MTUS1: variants seen among roughly 807,000 people sequenced by gnomAD.
MTUS1 encodes microtubule associated scaffold protein 1.
A neutral mutation model predicts 120.8 loss-of-function variants in MTUS1; 109 were observed. That is an observed-to-expected ratio of 0.90 (90% CI 0.77 to 1.06). The LOEUF (loss-of-function observed/expected upper bound fraction) is 1.06. Among genes scored for constraint, MTUS1 ranks in the 50% least tolerant of loss-of-function variants. The pLI, the probability that MTUS1 is intolerant of heterozygous loss-of-function variation, is 0.00. For missense variants in MTUS1, 2,210 were observed against 1,486.3 expected (o/e 1.49, Z -8.01); for synonymous variants, 737 against 550.5 (o/e 1.34, Z -4.74).
intron 7 of MTUS1, among the ~76,000 whole-genome samples, chr8:17,677,206 T>C (rs1813308003): frequency 6.6e-6 from 1 of 152,172 alleles, no homozygotes; most frequent in African/African-American, 2.4e-5. Flanking sequence ...CGCATAATAA[T>C]GGAAGAAAAA....
At chr8:17,703,892 T>G (rs1819624663) in intron 6 of MTUS1, 1 of 152,238 alleles carries the variant, frequency 6.6e-6, no homozygotes, top group African/African-American at 2.4e-5. Flanking sequence ...CCTTTTTCCC[T>G]TTGAGGCATG....
At chr8:17,775,419 C>G (rs908136863) in intron 1 of MTUS1, among the ~76,000 whole-genome samples, 9 of 152,144 alleles carry the variant, frequency 5.9e-5, no homozygotes, top group Admixed American at 2.0e-4. Flanking sequence ...TCATGAGTAT[C>G]TGAGACCTCA....
Position 17,755,495 on chromosome 8 carries a change from A to G in MTUS1, c.313T>C (p.Cys105Arg). Residue 105 changes from cysteine (C) to arginine (R), a missense_variant, in exon 2 of 15, where the codon TGT becomes CGT. Cys to Arg is a radical substitution (Grantham distance 180). Coordinates refer to ENST00000693296, the MANE Select transcript of MTUS1 (RefSeq NM_001363059.2). ...LDMHKDSICQ[C>R]PALVGTEKPK... ...TTCTCAGTACCTACAAGTGCAGGAC[A>G]CTGACAAATAGAATCTTTATGCATA... is the stretch of plus-strand genomic sequence containing the variant. The G allele has an allele frequency of 6.2e-7, 1 of 1,614,214 alleles. No individual in the cohort carries two copies. The highest frequency in any genetic ancestry group is 8.5e-7 in the Non-Finnish European group (1 of 1,180,016).
At chr8:17,739,283 C>T (rs1165706302) in intron 3 of MTUS1, among the ~76,000 whole-genome samples, 1 of 152,034 alleles carries the variant, frequency 6.6e-6, no homozygotes, top group Non-Finnish European at 1.5e-5. Flanking sequence ...CACCTGAGGT[C>T]GGGAGTTGGA....
In MTUS1 at chr8:17,646,974, A is replaced by G. The variant is rs749764917; in HGVS notation, c.3599+8T>C. 6.2e-6 allele frequency: 10 copies of G among 1,610,774 alleles called. No homozygotes were observed. Among genetic ancestry groups the G allele is most frequent in the Non-Finnish European group, 8.5e-6 (10 of 1,177,178 alleles). On this transcript the variant is annotated splice_region_variant and intron_variant, in intron 14 of 14. Coordinates refer to ENST00000693296, the MANE Select transcript of MTUS1 (RefSeq NM_001363059.2). Reference sequence around the variant, plus strand: ...AGCTCGGGAGAAACAGCACTGTTTTATTTTTACCTTGAGATTGCCATGTGC... The same window carrying G: ...AGCTCGGGAGAAACAGCACTGTTTTGTTTTTACCTTGAGATTGCCATGTGC...
At chr8:17,665,509 A>T (rs1810699486) in intron 8 of MTUS1, among the ~76,000 whole-genome samples, 1 of 117,372 alleles carries the variant, frequency 8.5e-6, no homozygotes, top group African/African-American at 2.8e-5. Flanking sequence ...CTGGATCTAC[A>T]ACTCCAGCCT....
rs1334820759 is a variant in MTUS1 at position 17,684,526 on chromosome 8, T to A, written c.2640A>T (p.Gln880His). ...GGATACATAAGCTTCGAGGATTCTT[T>A]TGCCTGCTCTTTTCAACTGCAAAAC... ...TALNAVEKSR[Q>H]KNPRSLCIQP... The change falls in exon 7 of 15, where the codon CAA (glutamine) becomes CAT (histidine). Residue 880 changes from glutamine (Q) to histidine (H), a missense_variant. Coordinates refer to ENST00000693296, the MANE Select transcript of MTUS1 (RefSeq NM_001363059.2). The A allele has an allele frequency of 6.2e-7, 1 of 1,613,816 alleles. No homozygotes were observed. The highest frequency in any genetic ancestry group is 8.5e-7 in the Non-Finnish European group (1 of 1,179,956).
chr8:17,675,254 T>C lies in MTUS1; in HGVS notation c.2839-2A>G. On this transcript the variant is annotated splice_acceptor_variant, in intron 7 of 14. Transcript: ENST00000693296. LOFTEE classifies it high-confidence loss of function. ...GTGTTGTTTCAGTGCTTCCTCCCGC[T>C]GCGGAAAACACACATCAAGTTACTC... The C allele has an allele frequency of 1.2e-6, 2 of 1,614,048 alleles. No individual in the cohort carries two copies. Among genetic ancestry groups the C allele is most frequent in the Non-Finnish European group, 1.7e-6 (2 of 1,179,948 alleles).
intron 1 of MTUS1, among the ~76,000 whole-genome samples, chr8:17,776,623 G>A (rs2050453585): frequency 7.1e-6 from 1 of 140,552 alleles, no homozygotes; most frequent in South Asian, 2.4e-4. Context: ...AGGTTGTAGT[G>A]AGGTGAGACT....
intron 6 of MTUS1, among the ~76,000 whole-genome samples, chr8:17,689,104 G>A (rs1049495407): frequency 3.3e-5 from 5 of 152,144 alleles, no homozygotes; most frequent in African/African-American, 7.2e-5. Flanking sequence ...CCAGCTACTC[G>A]GGAGGCTGAG....
At chr8:17,749,261 T>G (rs1291207227) in intron 2 of MTUS1, among the ~76,000 whole-genome samples, 1 of 152,092 alleles carries the variant, frequency 6.6e-6, no homozygotes, top group Non-Finnish European at 1.5e-5. Context: ...ACCTGAAGGT[T>G]TCATCTGTAT....
intron 2 of MTUS1, among the ~76,000 whole-genome samples, chr8:17,752,455 T>C (rs559275249): frequency 6.6e-6 from 1 of 152,328 alleles, no homozygotes; most frequent in South Asian, 2.1e-4. Context: ...TAAATCTGAG[T>C]TTTGAAACAA....
intron 1 of MTUS1, among the ~76,000 whole-genome samples, chr8:17,771,745 C>T (rs1333357051): frequency 2.6e-5 from 4 of 152,180 alleles, no homozygotes; most frequent in African/African-American, 9.7e-5. Context: ...TACTATTTTC[C>T]GATAAACAGG....
intron 7 of MTUS1, among the ~76,000 whole-genome samples, chr8:17,678,959 C>A (rs2130700712): frequency 6.6e-6 from 1 of 152,218 alleles, no homozygotes; most frequent in African/African-American, 2.4e-5. Context: ...TAGAAAAAAA[C>A]TAAAATAACT....
chr8:17,742,288 G>GTTTTTTTTTTTTTTTTTT (rs1362170650), intron 3 of MTUS1, among the ~76,000 whole-genome samples: 1 of 67,568 alleles, frequency 1.5e-5, no homozygotes. Flanking sequence ...TTTTGTTGTT[G>GTTTTTTTTTTTTTTTTTT]TTGTTTTTTT....
At chr8:17,694,337 T>C (rs946723301) in intron 6 of MTUS1, among the ~76,000 whole-genome samples, 1 of 152,174 alleles carries the variant, frequency 6.6e-6, no homozygotes, top group African/African-American at 2.4e-5. Flanking sequence ...TTTCAACCAA[T>C]TGATTGTGGA....
intron 3 of MTUS1, among the ~76,000 whole-genome samples, chr8:17,742,783 G>C (rs986232146): frequency 7.9e-5 from 12 of 152,160 alleles, no homozygotes; most frequent in African/African-American, 2.9e-4. Context: ...GATCTTCTGG[G>C]ATTTGCTCGC....
chr8:17,651,987 G>A (rs1211349331), intron 12 of MTUS1, among the ~76,000 whole-genome samples: 2 of 152,120 alleles, frequency 1.3e-5, no homozygotes, highest in East Asian at 3.9e-4. Context: ...CTCATCTAAT[G>A]TTATCAAATA....
chr8:17,763,050 G>T (rs1194656646), intron 1 of MTUS1, among the ~76,000 whole-genome samples: 1 of 150,650 alleles, frequency 6.6e-6, no homozygotes, highest in Non-Finnish European at 1.5e-5. Flanking sequence ...GGAGTGTAAT[G>T]GCGCAATCTT....
Sources: allele counts gnomAD v4.1 joint callset (sites outside exome capture counted in the v4.1 genomes callset), GRCh38; gene constraint gnomAD v4.1.1; transcripts MANE v1.5; gene names NCBI Gene and HGNC (gene_info 2026-07-23, HGNC 2026-07-21).